Variants in KCNN2 observed in about 807,000 individuals in gnomAD.
KCNN2 encodes small conductance calcium-activated potassium channel protein 2.
A neutral mutation model predicts 55.5 loss-of-function variants in KCNN2; 24 were observed. The ratio of observed to expected loss-of-function variants is 0.43; its 90% CI spans 0.31 to 0.61. The LOEUF (loss-of-function observed/expected upper bound fraction) is 0.61. Ranked by LOEUF, KCNN2 falls within the 20% of genes least tolerant of loss-of-function variation. The pLI is 0.08. For missense variants in KCNN2, 754 were observed against 853.6 expected, an observed-to-expected ratio of 0.88 and a Z score of 1.45; for synonymous variants, 431 against 336.1, an observed-to-expected ratio of 1.28 and a Z score of -3.09.
intron 2 of KCNN2, among the ~76,000 whole-genome samples, chr5:114,373,798 AT>A (rs200960610): frequency 0.072 from 10,138 of 141,746 alleles, 432 homozygotes; most frequent in Non-Finnish European, 0.098. Flanking sequence ...GAAAACTGTG[AT>A]TTTTTTTTTT....
At chr5:114,180,933 A>G (rs945896978) in intron 1 of KCNN2, among the ~76,000 whole-genome samples, 1 of 152,214 alleles carries the variant, frequency 6.6e-6, no homozygotes, top group African/African-American at 2.4e-5. Flanking sequence ...TAATGTTTTT[A>G]AGATTCAGAC....
At chr5:114,463,239 A>T (rs772282329) in intron 4 of KCNN2, 49 bp downstream of exon 4, 1 of 1,486,522 alleles carries the variant, frequency 6.7e-7, no homozygotes, top group African/African-American at 1.4e-5. Context: ...TCAAGAAGGC[A>T]CTTAAACCAC....
chr5:114,149,525 T>G (rs1462145016), intron 1 of KCNN2, among the ~76,000 whole-genome samples: 1 of 152,080 alleles, frequency 6.6e-6, no homozygotes, highest in Non-Finnish European at 1.5e-5. Flanking sequence ...ATACCAGCAT[T>G]TATTATTAAG....
intron 1 of KCNN2, among the ~76,000 whole-genome samples, chr5:114,090,546 C>CCT (rs199791117): frequency 8.5e-5 from 12 of 141,304 alleles, no homozygotes; most frequent in South Asian, 4.6e-4. Flanking sequence ...TTTCTCTCTT[C>CCT]CTCTCTCTCT....
At chr5:114,077,178 A>G (rs994598380) in intron 1 of KCNN2, among the ~76,000 whole-genome samples, 2 of 152,234 alleles carry the variant, frequency 1.3e-5, no homozygotes, top group African/African-American at 4.8e-5. Flanking sequence ...AGGCTCTGCA[A>G]CGTTTGGAGA....
At chr5:114,474,767 A>C (rs1230459321) in intron 5 of KCNN2, among the ~76,000 whole-genome samples, 1 of 152,174 alleles carries the variant, frequency 6.6e-6, no homozygotes, top group African/African-American at 2.4e-5. Context: ...CTTGTAATCC[A>C]TATTATTTTA....
rs372360581 is a variant in KCNN2 at position 114,121,292 on chromosome 5, C to A, written c.-271+64792C>A. The stretch of plus-strand genomic sequence containing the variant: ...AAAGGGTATCTTGGTAAGTTGATCA[C>A]TCCTGCAAGCCCATGTAGTATTTCC... On this transcript the variant is annotated intron_variant, in intron 1 of 10. Coordinates refer to the KCNN2 transcript ENST00000512097. 1.8e-3 allele frequency among the ~76,000 whole-genome samples: 271 copies of A among 152,268 alleles called. 8 individuals are homozygous for A. In the South Asian group the frequency reaches 0.053, roughly 30 times the overall value.
chr5:114,085,626 T>A (rs1481660721), intron 1 of KCNN2, among the ~76,000 whole-genome samples: 1 of 152,076 alleles, frequency 6.6e-6, no homozygotes, highest in African/African-American at 2.4e-5. Context: ...TAATTTTAAC[T>A]TTTTAAAATT....
chr5:114,123,989 C>G (rs1320592154), intron 1 of KCNN2, among the ~76,000 whole-genome samples: 1 of 152,196 alleles, frequency 6.6e-6, no homozygotes, highest in African/African-American at 2.4e-5. Flanking sequence ...ATTTTTGCAA[C>G]AAGAATGTTG....
chr5:114,403,672 T>C (rs1408901200), intron 2 of KCNN2, among the ~76,000 whole-genome samples: 3 of 152,208 alleles, frequency 2.0e-5, no homozygotes, highest in African/African-American at 7.2e-5. Flanking sequence ...TTTCTGTCCC[T>C]TTTACTCTTT....
intron 2 of KCNN2, among the ~76,000 whole-genome samples, chr5:114,238,691 A>T (rs1425445375): frequency 1.3e-5 from 2 of 151,990 alleles, no homozygotes; most frequent in Non-Finnish European, 2.9e-5. Flanking sequence ...AAAACAATTT[A>T]TTGGATTCCA....
intron 1 of KCNN2, among the ~76,000 whole-genome samples, chr5:114,109,533 T>C (rs1410198327): frequency 6.6e-6 from 1 of 152,070 alleles, no homozygotes; most frequent in East Asian, 1.9e-4. Flanking sequence ...AAAACCCTTC[T>C]CCAGAGATGC....
At chr5:114,337,030 T>TA (rs1756934787) in intron 2 of KCNN2, among the ~76,000 whole-genome samples, 1 of 152,112 alleles carries the variant, frequency 6.6e-6, no homozygotes, top group African/African-American at 2.4e-5. Context: ...GATATTTTTT[T>TA]AAAAACACCT....
chr5:114,440,651 A>G (rs1021332248), intron 3 of KCNN2, among the ~76,000 whole-genome samples: 1 of 111,862 alleles, frequency 8.9e-6, no homozygotes, highest in African/African-American at 3.5e-5. Flanking sequence ...TCTAAGGGTC[A>G]TGTACCTGCA....
intron 3 of KCNN2, among the ~76,000 whole-genome samples, chr5:114,418,526 A>G (rs368472167): frequency 6.6e-6 from 1 of 152,076 alleles, no homozygotes; most frequent in Non-Finnish European, 1.5e-5. Context: ...GGCTCTCAGC[A>G]ACTGTGCAGC....
chr5:114,113,936 A>G (rs1290592768), intron 1 of KCNN2, among the ~76,000 whole-genome samples: 4 of 152,176 alleles, frequency 2.6e-5, no homozygotes, highest in African/African-American at 9.6e-5. Flanking sequence ...AGTAATCCTT[A>G]TGTCAAAATG....
intron 2 of KCNN2, among the ~76,000 whole-genome samples, chr5:114,268,670 G>A (rs1022120804): frequency 2.0e-5 from 3 of 152,190 alleles, no homozygotes; most frequent in African/African-American, 7.2e-5. Flanking sequence ...CTAGACTGAA[G>A]TTCTGACACA....
intron 2 of KCNN2, among the ~76,000 whole-genome samples, chr5:114,395,852 C>T (rs1158956697): frequency 1.3e-5 from 2 of 152,164 alleles, no homozygotes; most frequent in African/African-American, 4.8e-5. Flanking sequence ...ATGCCCTCCG[C>T]ATTTGGGCTT....
At chr5:114,448,816 A>T (rs1332063513) in intron 3 of KCNN2, among the ~76,000 whole-genome samples, 1 of 152,236 alleles carries the variant, frequency 6.6e-6, no homozygotes, top group Non-Finnish European at 1.5e-5. Flanking sequence ...GTATTTTGAA[A>T]ATTAAAAATT....
Sources: gnomAD v4.1 joint callset for allele counts (sites outside exome capture counted in the v4.1 genomes callset) on GRCh38, gnomAD v4.1.1 for gene constraint, MANE v1.5 for transcripts, NCBI Gene and HGNC (gene_info 2026-07-23, HGNC 2026-07-21) for gene names.